The following IMPG1 variants were observed in gnomAD, a reference collection of about 807,000 sequenced individuals.
IMPG1 encodes interphotoreceptor matrix proteoglycan 1.
A neutral mutation model predicts 92.0 loss-of-function variants in IMPG1; 85 were observed. The ratio of observed to expected loss-of-function variants is 0.92; its 90% CI spans 0.78 to 1.11. The LOEUF is 1.11. Ranked by LOEUF, IMPG1 falls within the 50% of genes least tolerant of loss-of-function variation. IMPG1 has a pLI of 0.00. For synonymous variants in IMPG1, 367 were observed against 334.1 expected, an observed-to-expected ratio of 1.10 and a Z score of -1.08; for missense variants, 1,022 against 956.0, an observed-to-expected ratio of 1.07 and a Z score of -0.91.
At chr6:75,950,204 A>G (rs1324140565) in intron 13 of IMPG1, among the ~76,000 whole-genome samples, 1 of 152,128 alleles carries the variant, frequency 6.6e-6, no homozygotes, top group Non-Finnish European at 1.5e-5. Flanking sequence ...CTTTCATGAG[A>G]TTGATATAAT....
intron 14 of IMPG1, among the ~76,000 whole-genome samples, chr6:75,932,336 G>A (rs530024285): frequency 1.3e-5 from 2 of 152,294 alleles, no homozygotes; most frequent in African/African-American, 4.8e-5. Context: ...GAGTCAAAAC[G>A]AGAGAATTTA....
intron 15 of IMPG1, among the ~76,000 whole-genome samples, chr6:75,924,469 ATATAAT>A (rs1781488056): frequency 9.6e-6 from 1 of 103,650 alleles, no homozygotes; most frequent in Non-Finnish European, 1.8e-5. Context: ...TATAATATAA[ATATAAT>A]TATATATTAT....
chr6:75,939,525 T>A (rs186500045), intron 14 of IMPG1, among the ~76,000 whole-genome samples: 1 of 152,228 alleles, frequency 6.6e-6, no homozygotes, highest in East Asian at 1.9e-4. Flanking sequence ...ACAAAGGACA[T>A]GAAATCATCC....
At chr6:76,044,478 G>C (rs1302863127) in intron 1 of IMPG1, among the ~76,000 whole-genome samples, 1 of 151,996 alleles carries the variant, frequency 6.6e-6, no homozygotes, top group African/African-American at 2.4e-5. Flanking sequence ...TATCGGCCTG[G>C]TCCTGTTCCG....
intron 1 of IMPG1, among the ~76,000 whole-genome samples, chr6:76,069,432 T>C (rs1224234390): frequency 2.0e-5 from 3 of 152,004 alleles, no homozygotes; most frequent in African/African-American, 2.4e-5. Flanking sequence ...ACGGAGTAAA[T>C]AGATATCACA....
chr6:76,065,311 G>A (rs1291386600), intron 1 of IMPG1, among the ~76,000 whole-genome samples: 2 of 151,840 alleles, frequency 1.3e-5, no homozygotes, highest in Admixed American at 1.3e-4. Flanking sequence ...AGCTCTAAGA[G>A]AAAGTTGAAA....
rs200959900 is a variant in IMPG1, at chr6:75,947,327, G to C, written c.2031C>G (p.Leu677=). The C allele has an allele frequency of 2.5e-6, 4 of 1,612,876 alleles. No individual in the cohort carries two copies. Among genetic ancestry groups the C allele is most frequent in the Middle Eastern group, 1.7e-4 (1 of 6,060 alleles). The part of the protein sequence containing the change: ...QLHLEIDSYS[L]NIEPADQADP... ...GGATTCTTTTACCTGGTTCAATGTT[G>C]AGAGAGTAGCTGTCTATTTCCAGAT... The change falls in exon 14 of 17, where the codon CTC becomes CTG. Residue 677 remains leucine, a synonymous_variant. Coordinates refer to ENST00000369950, the MANE Select transcript of IMPG1 (RefSeq NM_001563.4).
chr6:76,040,107 G>A (rs527518518), intron 2 of IMPG1, among the ~76,000 whole-genome samples: 1 of 152,282 alleles, frequency 6.6e-6, no homozygotes, highest in East Asian at 1.9e-4. Context: ...AACCCATGCT[G>A]ATGAATAGTA....
chr6:76,071,395 T>G (rs900447420), intron 1 of IMPG1, among the ~76,000 whole-genome samples: 1 of 150,794 alleles, frequency 6.6e-6, no homozygotes, highest in Non-Finnish European at 1.5e-5. Context: ...TAAAATGATT[T>G]TATAAATGTA....
At chr6:75,995,189 C>G (rs1437459688) in intron 12 of IMPG1, among the ~76,000 whole-genome samples, 1 of 152,168 alleles carries the variant, frequency 6.6e-6, no homozygotes, top group Non-Finnish European at 1.5e-5. Flanking sequence ...CTTCCATCAC[C>G]AATGTCCTAG....
Position 76,041,910 on chromosome 6 carries a change from G to T in IMPG1, c.284C>A (p.Ala95Asp). ...TTCCTTACCTCTCAATCTATAATAA[G>T]CTTGAAGACTGTCTAAAATCTGTTT... ...SMKQILDSLQAYYRLRVCQEA... is the reference protein window; with the variant it reads ...SMKQILDSLQDYYRLRVCQEA... Residue 95 changes from alanine to aspartate, a missense_variant, in exon 2 of 17, where the codon GCT becomes GAT. Ala to Asp is a moderately radical substitution (Grantham distance 126, BLOSUM62 -2). This residue lies in a region of IMPG1 where 681 missense variants were observed against 583.6 expected (regional missense o/e 1.17). Coordinates refer to ENST00000369950, the MANE Select transcript of IMPG1 (RefSeq NM_001563.4). 6.2e-7 allele frequency: 1 copy of T among 1,607,624 alleles called. No individual in the cohort carries two copies. The highest frequency in any genetic ancestry group is 8.5e-7 in the Non-Finnish European group (1 of 1,174,148).
intron 12 of IMPG1, among the ~76,000 whole-genome samples, chr6:75,952,811 A>C (rs751718748): frequency 1.3e-4 from 20 of 152,188 alleles, no homozygotes; most frequent in Admixed American, 1.3e-4. Flanking sequence ...CCATGTGAGA[A>C]TATAGCAAGA....
chr6:76,021,040 A>G (rs1406641164), intron 6 of IMPG1, among the ~76,000 whole-genome samples: 1 of 152,222 alleles, frequency 6.6e-6, no homozygotes, highest in Non-Finnish European at 1.5e-5. Context: ...GAAGAGAATA[A>G]CTGAGAGTCT....
At chr6:75,982,240 T>C (rs1235957142) in intron 12 of IMPG1, among the ~76,000 whole-genome samples, 4 of 152,120 alleles carry the variant, frequency 2.6e-5, no homozygotes, top group African/African-American at 9.7e-5. Flanking sequence ...GAAGAAAATC[T>C]GAATAATTCA....
Position 76,034,795 on chromosome 6 carries a change from A to G in IMPG1, c.302-8T>C, listed in dbSNP as rs768136829. ...ATACTGCTTCCTGACACACTGTAAT[A>G]CAGAGTCATTAATGGCCATGCCCTA... On this transcript the variant is annotated splice_region_variant and splice_polypyrimidine_tract_variant and intron_variant, in intron 2 of 16. Coordinates refer to ENST00000369950, the MANE Select transcript of IMPG1 (RefSeq NM_001563.4). 6.2e-7 allele frequency: 1 copy of G among 1,609,434 alleles called. No individual in the cohort carries two copies. The highest frequency in any genetic ancestry group is 8.5e-7 in the Non-Finnish European group (1 of 1,176,218).
intron 1 of IMPG1, among the ~76,000 whole-genome samples, chr6:76,056,714 G>T (rs1356336899): frequency 6.6e-6 from 1 of 152,046 alleles, no homozygotes; most frequent in African/African-American, 2.4e-5. Context: ...TTTGATAATT[G>T]CCATCCTAAC....
At chr6:75,982,599 G>A (rs1782646929) in intron 12 of IMPG1, among the ~76,000 whole-genome samples, 1 of 149,018 alleles carries the variant, frequency 6.7e-6, no homozygotes, top group South Asian at 2.1e-4. Context: ...ATATATATGT[G>A]TGTGTATATA....
intron 13 of IMPG1, among the ~76,000 whole-genome samples, chr6:75,948,931 A>G (rs535774273): frequency 1.3e-5 from 2 of 152,174 alleles, no homozygotes; most frequent in Non-Finnish European, 2.9e-5. Context: ...AGCTTTGACC[A>G]TGTGAATGAG....
chr6:76,050,983 A>G (rs1470588865), intron 1 of IMPG1, among the ~76,000 whole-genome samples: 1 of 152,204 alleles, frequency 6.6e-6, no homozygotes, highest in Non-Finnish European at 1.5e-5. Context: ...GTCTTAATGA[A>G]TAAATTAGCA....
Sources: gnomAD v4.1 joint callset for allele counts (sites outside exome capture counted in the v4.1 genomes callset) on GRCh38, gnomAD v4.1.1 for gene constraint, gnomAD v4.1.1 regional missense constraint, MANE v1.5 for transcripts, NCBI Gene and HGNC (gene_info 2026-07-23, HGNC 2026-07-21) for gene names.